The following TP53BP2 variants were observed in gnomAD, a reference collection of about 807,000 sequenced individuals.
TP53BP2 encodes the protein apoptosis-stimulating of p53 protein 2.
Under a neutral mutation model 126.2 loss-of-function variants are expected in TP53BP2, and 62 were observed. The observed-to-expected ratio is 0.49, with a 90% CI of 0.40 to 0.61. TP53BP2 has a LOEUF of 0.61. Ranked by LOEUF, TP53BP2 falls within the 20% of genes least tolerant of loss-of-function variation. The pLI is 0.00. For synonymous variants in TP53BP2, 485 were observed against 502.9 expected (o/e 0.96, Z 0.48); for missense variants, 1,215 against 1,402.8 (o/e 0.87, Z 2.14).
chr1:223,797,475 C>A (rs1423449855), intron 12 of TP53BP2, among the ~76,000 whole-genome samples: 1 of 151,740 alleles, frequency 6.6e-6, no homozygotes, highest in East Asian at 1.9e-4. Flanking sequence ...CTGGAGTGCA[C>A]CATCTCGGCT....
rs1284494593 is a variant in TP53BP2 at position 223,817,893 on chromosome 1, T to C, written c.175+3327A>G. Among the ~76,000 whole-genome samples the C allele has an allele frequency of 7.0e-5, 10 of 143,296 alleles. 1 individual carries two copies. In the East Asian group the frequency reaches 2.0e-3, roughly 29 times the overall value. 94.0% of individuals were successfully genotyped at this position (143,296 alleles called of 152,430 possible). A position where few individuals can be genotyped will look rare whatever the true frequency, so the allele number is the denominator to read the frequency against. Reference sequence around the variant, plus strand: ...GTGAGCCGAGATGGTGCCACTGCACTCCAGCCTGGGCAACAGAGTGAGACT... The same window carrying C: ...GTGAGCCGAGATGGTGCCACTGCACCCCAGCCTGGGCAACAGAGTGAGACT... On this transcript the variant is annotated intron_variant, in intron 2 of 17. Coordinates refer to ENST00000343537, the MANE Select transcript of TP53BP2 (RefSeq NM_001031685.3).
intron 16 of TP53BP2, among the ~76,000 whole-genome samples, chr1:223,786,268 C>T (rs554415912): frequency 2.6e-4 from 40 of 152,144 alleles, no homozygotes; most frequent in Middle Eastern, 3.4e-3. Context: ...AACGTAAAAG[C>T]GGCGGTCACT....
chr1:223,845,296 G>A, intron 1 of TP53BP2: 1 of 979,538 alleles, frequency 1.0e-6, no homozygotes, highest in Non-Finnish European at 1.2e-6. Flanking sequence ...AAAGAACAAG[G>A]TCCCCGGTTC....
In TP53BP2 at chr1:223,821,359, A is replaced by G; in HGVS notation, c.36T>C (p.Leu12=). The part of the protein sequence containing the change: ...RFGSKMMPMF[L]TVYLSNNEQH... Reference sequence around the variant, plus strand: ...GCTCATTGTTACTGAGATACACGGTAAGAAACATCTAAAAATTAAGAGAGA... The same window carrying G: ...GCTCATTGTTACTGAGATACACGGTGAGAAACATCTAAAAATTAAGAGAGA... Residue 12 remains leucine, a synonymous_variant, in exon 2 of 18, where the codon CTT becomes CTC. Coordinates refer to ENST00000343537, the MANE Select transcript of TP53BP2 (RefSeq NM_001031685.3). 1 of 1,614,002 alleles carries G rather than the reference A, an allele frequency of 6.2e-7. No individual in the cohort carries two copies. Among genetic ancestry groups the G allele is most frequent in the Non-Finnish European group, 8.5e-7 (1 of 1,179,884 alleles).
chr1:223,839,830 G>A (rs1664050427), intron 1 of TP53BP2, among the ~76,000 whole-genome samples: 2 of 152,264 alleles, frequency 1.3e-5, no homozygotes, highest in South Asian at 4.1e-4. Context: ...AACTACTCGG[G>A]AGGCTGCTGC....
rs1172738257 is a variant in TP53BP2, at chr1:223,798,222, A to G, written c.1941T>C (p.Phe647=). 1.9e-6 allele frequency: 3 copies of G among 1,611,756 alleles called. No homozygotes were observed. The highest frequency in any genetic ancestry group is 1.7e-5 in the Admixed American group (1 of 59,710). The part of the protein sequence containing the change: ...LTKTHTRGPH[F]SSVYGKPVIA... ...GAACGTTAAGAACCTTACCACTTGA[A>G]AAGTGTGGCCCTCTGGTATGAGTCT... The change falls in exon 12 of 18, where the codon TTT becomes TTC. Residue 647 remains phenylalanine, a synonymous_variant. Coordinates refer to ENST00000343537, the MANE Select transcript of TP53BP2 (RefSeq NM_001031685.3).
intron 3 of TP53BP2, among the ~76,000 whole-genome samples, chr1:223,811,057 T>A (rs943105553): frequency 3.3e-5 from 5 of 152,188 alleles, no homozygotes; most frequent in Admixed American, 3.3e-4. Flanking sequence ...TACTATGAGG[T>A]ACTTCCACAT....
chr1:223,805,180 C>T (rs1343602215), intron 5 of TP53BP2, among the ~76,000 whole-genome samples: 14 of 151,806 alleles, frequency 9.2e-5, no homozygotes, highest in Admixed American at 2.0e-4. Flanking sequence ...AAACAAAAAC[C>T]CTGGCTAAGG....
chr1:223,796,567 C>A lies in TP53BP2; in HGVS notation c.1972G>T (p.Ala658Ser). 2 of 1,609,250 alleles carry A rather than the reference C, an allele frequency of 1.2e-6. No homozygotes were observed. The highest frequency in any genetic ancestry group is 8.5e-7 in the Non-Finnish European group (1 of 1,178,116). Residue 658 changes from alanine (A) to serine (S), a missense_variant, in exon 13 of 18, where the codon GCT becomes TCT. Coordinates refer to ENST00000343537, the MANE Select transcript of TP53BP2 (RefSeq NM_001031685.3). This position sits in a 1 kb window ranked among gnomAD's most constrained non-coding sequence, Gnocchi z 4.2. ...SSVYGKPVIAAAQNQQQHPEN... is the reference protein window; with the variant it reads ...SSVYGKPVIASAQNQQQHPEN... The stretch of plus-strand genomic sequence containing the variant: ...GGGTGCTGCTGTTGATTCTGGGCAG[C>A]AGCAATTACAGGCTTACCATATACT...
chr1:223,787,191 C>A (rs1035234036), intron 16 of TP53BP2, among the ~76,000 whole-genome samples: 1 of 152,200 alleles, frequency 6.6e-6, no homozygotes, highest in South Asian at 2.1e-4. Flanking sequence ...CCACCACACC[C>A]GGCCAACACA....
intron 13 of TP53BP2, among the ~76,000 whole-genome samples, chr1:223,794,533 A>G (rs1429628894): frequency 6.6e-6 from 1 of 152,218 alleles, no homozygotes; most frequent in Non-Finnish European, 1.5e-5. Context: ...AGAACAGCAG[A>G]ATCTTAAAAA....
intron 12 of TP53BP2, among the ~76,000 whole-genome samples, chr1:223,797,248 T>C (rs564562375): frequency 2.2e-4 from 34 of 152,314 alleles, no homozygotes; most frequent in Middle Eastern, 3.4e-3. Flanking sequence ...AATTAAAACA[T>C]GGTAAGTTTT....
Position 223,780,527 on chromosome 1 carries a change from C to T in TP53BP2, c.*326G>A, listed in dbSNP as rs1172495155. The T allele has an allele frequency of 1.7e-5, 4 of 234,034 alleles. No homozygotes were observed. The highest frequency in any genetic ancestry group is 3.3e-5 in the Non-Finnish European group (4 of 120,028). The allele number at this position is 234,034 out of a possible 1,614,324, so 14.5% of individuals were successfully genotyped here. ...ACTCAACAGGACAGAGAGCTGATTT[C>T]CCAACTGCCCAATAAATGATCCTAT... On this transcript the variant is annotated 3_prime_UTR_variant, in exon 18 of 18. Coordinates refer to ENST00000343537, the MANE Select transcript of TP53BP2 (RefSeq NM_001031685.3).
At chr1:223,789,268 T>A (rs1662072577) in intron 15 of TP53BP2, 94 bp from the exon 16 acceptor site, 1 of 1,432,554 alleles carries the variant, frequency 7.0e-7, no homozygotes, top group Non-Finnish European at 9.6e-7. Flanking sequence ...GAGTCTCTCA[T>A]CTACCAAGTT....
rs371197984 is a variant in TP53BP2, at chr1:223,845,578, C to T, written c.27+76G>A. 1.2e-5 allele frequency: 18 copies of T among 1,442,878 alleles called. No homozygotes were observed. The African/African-American group carries it at 1.6e-4, about 13-fold the overall frequency. 89.4% of individuals were successfully genotyped at this position (1,442,878 alleles called of 1,614,324 possible). On this transcript the variant is annotated intron_variant, in intron 1 of 17. Coordinates refer to ENST00000343537, the MANE Select transcript of TP53BP2 (RefSeq NM_001031685.3). ...CCCCAGGCTCCTTCCCCGACGCGCC[C>T]GAGGGCGCGGACCAGCCCCCGGCAC...
rs375903558 is a variant in TP53BP2, at chr1:223,802,265, G to A, written c.1076C>T (p.Ser359Leu). The change falls in exon 9 of 18, where the codon TCG becomes TTG. Residue 359 changes from serine to leucine, a missense_variant. Ser to Leu is a moderately radical substitution (Grantham distance 145). Transcript: ENST00000343537. ...RVAAVGPYIQ[S>L]STMPRMPSRP... ...TGAGGGCATCCGAGGCATAGTAGAC[G>A]ACTGGATATAGGGACCTACTGCAGC... is the stretch of plus-strand genomic sequence containing the variant. 6 of 1,614,076 alleles carry A rather than the reference G, an allele frequency of 3.7e-6. No homozygotes were observed. The East Asian group carries it at 6.7e-5, about 18-fold the overall frequency.
rs1662060210 is a variant in TP53BP2, at chr1:223,788,929, A to G, written c.3163+79T>C. 2.0e-6 allele frequency: 3 copies of G among 1,478,708 alleles called. No homozygotes were observed. The Admixed American group carries it at 6.0e-5, about 30-fold the overall frequency. The allele number at this position is 1,478,708 out of a possible 1,614,324, so 91.6% of individuals were successfully genotyped here. ...AACACAAGATTTTTTCCAAACAAAA[A>G]TACTTATTGAATTATACCCTGGAGA... On this transcript the variant is annotated intron_variant, in intron 16 of 17. Coordinates refer to ENST00000343537, the MANE Select transcript of TP53BP2 (RefSeq NM_001031685.3).
At chr1:223,843,910 C>T (rs1475455026) in intron 1 of TP53BP2, among the ~76,000 whole-genome samples, 1 of 152,124 alleles carries the variant, frequency 6.6e-6, no homozygotes, top group Non-Finnish European at 1.5e-5. Context: ...TGAGAATCTC[C>T]ACTTTAACCA....
chr1:223,798,634 G>A lies in TP53BP2; in HGVS notation c.1529C>T (p.Thr510Ile). 6.2e-7 allele frequency: 1 copy of A among 1,613,732 alleles called. No individual in the cohort carries two copies. The change falls in exon 12 of 18, where the codon ACA becomes ATA. Residue 510 changes from threonine (T) to isoleucine (I), a missense_variant. Transcript: ENST00000343537. ...NVAKVPPPVP[T>I]KPKQINLPYF... is the part of the protein sequence containing the mutation. ...AGGCAAATTAATCTGTTTTGGTTTT[G>A]TAGGAACAGGAGGTGGTACTTTAGC...
Sources: allele counts gnomAD v4.1 joint callset (sites outside exome capture counted in the v4.1 genomes callset), GRCh38; gene constraint gnomAD v4.1.1; non-coding constraint Gnocchi (gnomAD v3.1); transcripts MANE v1.5; gene names NCBI Gene and HGNC (gene_info 2026-07-23, HGNC 2026-07-21).